TRPM8: variants seen among roughly 807,000 people sequenced by gnomAD.
TRPM8 encodes the protein transient receptor potential cation channel subfamily M member 8.
Under a neutral mutation model 133.7 loss-of-function variants are expected in TRPM8, and 110 were observed. The ratio of observed to expected loss-of-function variants is 0.82; its 90% CI spans 0.70 to 0.96. The LOEUF (loss-of-function observed/expected upper bound fraction) is 0.96. Among genes scored for constraint, TRPM8 ranks in the 40% least tolerant of loss-of-function variants. TRPM8 has a pLI of 0.00. For missense variants in TRPM8, 1,291 were observed against 1,379.5 expected (o/e 0.94, Z 1.02); for synonymous variants, 535 against 532.3 (o/e 1.01, Z -0.07).
intron 11 of TRPM8, among the ~76,000 whole-genome samples, chr2:233,959,619 T>C (rs998850180): frequency 1.3e-5 from 2 of 152,100 alleles, no homozygotes; most frequent in African/African-American, 4.8e-5. Context: ...CAGCTTTTAC[T>C]GTTAACTCGA....
intron 5 of TRPM8, among the ~76,000 whole-genome samples, chr2:233,941,177 C>A (rs1337061455): frequency 6.6e-6 from 1 of 152,168 alleles, no homozygotes; most frequent in Admixed American, 6.5e-5. Flanking sequence ...GAGATGTTAT[C>A]TATAAGGAAA....
At chr2:233,947,627 C>T (rs868722090) in intron 8 of TRPM8, 2 of 1,287,796 alleles carry the variant, frequency 1.6e-6, no homozygotes, top group Non-Finnish European at 2.0e-6. Context: ...ATTCTGAGAT[C>T]ATGGAAACTT....
chr2:233,959,024 T>C (rs1323878840), intron 11 of TRPM8, among the ~76,000 whole-genome samples: 1 of 140,420 alleles, frequency 7.1e-6, no homozygotes, highest in Non-Finnish European at 1.5e-5. Flanking sequence ...TTTACTCTTT[T>C]CTTGGGGGGC....
chr2:233,999,145 G>GGGGCAGGGCAGGGCA (rs539246123), intron 22 of TRPM8, among the ~76,000 whole-genome samples: 1 of 151,930 alleles, frequency 6.6e-6, no homozygotes, highest in Non-Finnish European at 1.5e-5. Flanking sequence ...GGTCCCTCCT[G>GGGGCAGGGCAGGGCA]GGGCAGGGCA....
At chr2:233,971,922 G>A (rs1574743617) in intron 17 of TRPM8, among the ~76,000 whole-genome samples, 3 of 152,278 alleles carry the variant, frequency 2.0e-5, no homozygotes, top group African/African-American at 7.2e-5. Context: ...CCTGCTGATT[G>A]GTAGAGCTGA....
intron 22 of TRPM8, among the ~76,000 whole-genome samples, chr2:233,996,916 G>A (rs1458366882): frequency 6.6e-6 from 1 of 152,182 alleles, no homozygotes; most frequent in Non-Finnish European, 1.5e-5. Flanking sequence ...CTTCTTAGGA[G>A]AATAGAAAAT....
intron 15 of TRPM8, among the ~76,000 whole-genome samples, chr2:233,968,007 C>T (rs1318775931): frequency 6.6e-6 from 1 of 152,104 alleles, no homozygotes; most frequent in Non-Finnish European, 1.5e-5. Context: ...GCCACAGGAT[C>T]ACCCAGTGGG....
At chr2:233,946,095 C>A in intron 7 of TRPM8, 65 bp downstream of exon 7, 1 of 1,469,098 alleles carries the variant, frequency 6.8e-7, no homozygotes, top group Non-Finnish European at 9.4e-7. Context: ...GCATCAACAA[C>A]AATCACTACC....
intron 19 of TRPM8, 149 bp from the exon 20 acceptor site, chr2:233,982,904 T>A (rs1002387198): frequency 2.0e-5 from 16 of 785,336 alleles, no homozygotes; most frequent in Non-Finnish European, 3.1e-5. Flanking sequence ...ACCGCTTTTG[T>A]CAATTAGTCA....
At chr2:233,996,567 A>C (rs1253985241) in intron 22 of TRPM8, 51 bp downstream of exon 22, 1 of 1,521,630 alleles carries the variant, frequency 6.6e-7, no homozygotes, top group Admixed American at 1.7e-5. Context: ...GATTAATTTC[A>C]GGGAAGGATG....
At chr2:233,920,087 C>T (rs1691378012) in intron 1 of TRPM8, among the ~76,000 whole-genome samples, 1 of 152,148 alleles carries the variant, frequency 6.6e-6, no homozygotes, top group African/African-American at 2.4e-5. Context: ...ATGTCTCATG[C>T]TCTTGAGGTG....
intron 8 of TRPM8, 152 bp downstream of exon 8, chr2:233,947,307 G>C (rs1375411404): frequency 5.2e-6 from 8 of 1,546,828 alleles, no homozygotes; most frequent in Non-Finnish European, 7.0e-6. Flanking sequence ...TCCCCTAACA[G>C]ACTCCGGTTA....
At chr2:233,975,731 A>T (rs1173440206) in intron 17 of TRPM8, among the ~76,000 whole-genome samples, 1 of 152,114 alleles carries the variant, frequency 6.6e-6, no homozygotes, top group Non-Finnish European at 1.5e-5. Context: ...AAAGTACAAA[A>T]ATTAGCCGGG....
At chr2:233,955,864 G>A (rs970237393) in intron 11 of TRPM8, among the ~76,000 whole-genome samples, 2 of 152,136 alleles carry the variant, frequency 1.3e-5, no homozygotes, top group African/African-American at 4.8e-5. Flanking sequence ...TCACATTACC[G>A]CCTGAGCTCC....
intron 1 of TRPM8, among the ~76,000 whole-genome samples, chr2:233,920,000 C>T (rs941407304): frequency 1.3e-5 from 2 of 152,144 alleles, no homozygotes; most frequent in Non-Finnish European, 2.9e-5. Context: ...GCCAGTGGTC[C>T]TCTGAAGGTG....
At chr2:233,960,512 C>A (rs759129365) in intron 11 of TRPM8, among the ~76,000 whole-genome samples, 1 of 152,138 alleles carries the variant, frequency 6.6e-6, no homozygotes, top group Non-Finnish European at 1.5e-5. Context: ...AGCAAGGGGC[C>A]AAGTCACATC....
At chr2:234,008,023 A>G (rs1354849307) in intron 23 of TRPM8, 47 bp from the exon 24 acceptor site, 1 of 1,589,554 alleles carries the variant, frequency 6.3e-7, no homozygotes, top group Non-Finnish European at 8.6e-7. Context: ...CCCTCTCTCA[A>G]TCTGTTTTTC....
intron 22 of TRPM8, among the ~76,000 whole-genome samples, chr2:233,999,347 C>T (rs1227306137): frequency 6.6e-6 from 1 of 151,122 alleles, no homozygotes; most frequent in Non-Finnish European, 1.5e-5. Flanking sequence ...AAAGCAGGTA[C>T]TGCAAGGCCC....
Position 234,019,054 on chromosome 2 carries a change from G to A in TRPM8, c.*1798G>A, listed in dbSNP as rs1693029437. 2 of 152,156 alleles carry A rather than the reference G, an allele frequency of 1.3e-5. No individual in the cohort carries two copies. The highest frequency in any genetic ancestry group is 2.1e-4 in the South Asian group (1 of 4,824). The allele number at this position is 152,156 out of a possible 1,614,324, so 9.4% of individuals were successfully genotyped here. ...TACACTATAAACTCACTGGCTGAAG[G>A]AGGAAATTTTAGAAGGAAGCTACTA... is the stretch of plus-strand genomic sequence containing the variant. On this transcript the variant is annotated 3_prime_UTR_variant, in exon 26 of 26. Coordinates refer to ENST00000324695, the MANE Select transcript of TRPM8 (RefSeq NM_024080.5).
Sources: allele counts gnomAD v4.1 joint callset (sites outside exome capture counted in the v4.1 genomes callset), GRCh38; gene constraint gnomAD v4.1.1; transcripts MANE v1.5; gene names NCBI Gene and HGNC (gene_info 2026-07-23, HGNC 2026-07-21).